PRKCZ: variants seen among roughly 807,000 people sequenced by gnomAD.
PRKCZ encodes protein kinase C zeta type.
A neutral mutation model predicts 79.5 loss-of-function variants in PRKCZ; 33 were observed. The observed-to-expected ratio is 0.41, with a 90% CI of 0.31 to 0.55. PRKCZ has a LOEUF of 0.55. Ranked by LOEUF, PRKCZ falls within the 20% of genes least tolerant of loss-of-function variation. PRKCZ has a pLI of 0.19. For missense variants in PRKCZ, 578 were observed against 813.5 expected (o/e 0.71, Z 3.52); for synonymous variants, 342 against 320.9 (o/e 1.07, Z -0.70).
rs917209965 is a variant in PRKCZ, at chr1:2,174,703, G to A, written c.1406-51G>A. ...CAGAGTCAGAGTCTGGGCGGCACTG[G>A]GCAAATGGCACACAACACAGGCAAG... is the stretch of plus-strand genomic sequence containing the variant. On this transcript the variant is annotated intron_variant, in intron 14 of 17. Transcript: ENST00000378567. This position sits in a 1 kb window ranked among gnomAD's most constrained non-coding sequence, Gnocchi z 6.2. The A allele has an allele frequency of 7.0e-6, 11 of 1,582,446 alleles. No homozygotes were observed. In the African/African-American group the frequency reaches 1.3e-4, roughly 19 times the overall value.
intron 10 of PRKCZ, 74 bp downstream of exon 10, chr1:2,156,166 G>C: frequency 1.4e-6 from 2 of 1,403,362 alleles, no homozygotes; most frequent in South Asian, 1.2e-5. Flanking sequence ...AGTCTGGTGT[G>C]ATGTGTCAAC....
At chr1:2,070,955 A>C (rs2102301422) in intron 4 of PRKCZ, among the ~76,000 whole-genome samples, 1 of 152,046 alleles carries the variant, frequency 6.6e-6, no homozygotes, top group South Asian at 2.1e-4. Context: ...AGCCTAGGGC[A>C]GAGAGGGGTC....
intron 10 of PRKCZ, among the ~76,000 whole-genome samples, chr1:2,160,263 G>T (rs1045883790): frequency 6.6e-6 from 1 of 152,022 alleles, no homozygotes; most frequent in Admixed American, 6.5e-5. Flanking sequence ...GTGTGTGTGT[G>T]TGTGTGTGTC....
intron 4 of PRKCZ, among the ~76,000 whole-genome samples, chr1:2,065,134 C>T (rs1401420697): frequency 6.6e-6 from 1 of 152,046 alleles, no homozygotes; most frequent in African/African-American, 2.4e-5. Flanking sequence ...CCTTGATTTC[C>T]CTTTTGCGTT....
chr1:2,102,274 C>T (rs1415517629), intron 4 of PRKCZ, among the ~76,000 whole-genome samples: 1 of 150,712 alleles, frequency 6.6e-6, no homozygotes, highest in Non-Finnish European at 1.5e-5. Context: ...TCCAGGGTCT[C>T]GTGTGGGCTT....
chr1:2,062,482 C>CTTT lies in PRKCZ; in HGVS notation c.334+2907_334+2909dup, dbSNP rs61178553. ...ATAACATCTATTTTTGCCATCTTAACTTTTTTTTTTTTTTTTTTGGCAGAG... is the reference window on the plus strand; with the variant it reads ...ATAACATCTATTTTTGCCATCTTAACTTTTTTTTTTTTTTTTTTTTTGGCAGAG... On this transcript the variant is annotated intron_variant, in intron 4 of 17. Transcript: ENST00000378567. 6.0e-5 allele frequency among the ~76,000 whole-genome samples: 8 copies of CTTT among 133,956 alleles called. No individual in the cohort carries two copies. In the South Asian group the frequency reaches 9.8e-4, roughly 16 times the overall value. The allele number at this position is 133,956 out of a possible 152,430, so 87.9% of individuals were successfully genotyped here. A position where few individuals can be genotyped will look rare whatever the true frequency, so the allele number is the denominator to read the frequency against.
At chr1:2,055,033 C>T (rs1002682422) in intron 1 of PRKCZ, among the ~76,000 whole-genome samples, 2 of 151,976 alleles carry the variant, frequency 1.3e-5, no homozygotes, top group South Asian at 2.1e-4. Context: ...AGCTCCGCCT[C>T]CCGGGTTCAC....
Position 2,065,551 on chromosome 1 carries a change from C to T in PRKCZ, c.334+5960C>T, listed in dbSNP as rs78698540. On this transcript the variant is annotated intron_variant, in intron 4 of 17. Transcript: ENST00000378567. ...AAAATTATCCGGGCGTGGTTGCAGG[C>T]GCCTGTAGTCCCAGCTACTCGGGAG... Among the ~76,000 whole-genome samples, 1,656 of 152,164 alleles carry T rather than the reference C, an allele frequency of 0.011. 141 individuals are homozygous for T. The East Asian group carries it at 0.21, about 19-fold the overall frequency.
intron 9 of PRKCZ, among the ~76,000 whole-genome samples, chr1:2,154,906 G>A (rs1680624136): frequency 6.6e-6 from 1 of 152,188 alleles, no homozygotes; most frequent in Admixed American, 6.5e-5. Flanking sequence ...GATGGGTGTG[G>A]GCTTATCACT....
chr1:2,067,709 G>A (rs369755588), intron 4 of PRKCZ, among the ~76,000 whole-genome samples: 19 of 152,214 alleles, frequency 1.2e-4, no homozygotes, highest in East Asian at 7.7e-4. Flanking sequence ...TTCACTGTCC[G>A]TTCACTGCAG....
intron 4 of PRKCZ, among the ~76,000 whole-genome samples, chr1:2,133,243 C>G (rs1675354534): frequency 6.6e-6 from 1 of 152,054 alleles, no homozygotes; most frequent in African/African-American, 2.4e-5. Flanking sequence ...GCTCCGCCCC[C>G]CAGCTGCGCG....
chr1:2,051,668 G>A (rs1659671759), intron 1 of PRKCZ, among the ~76,000 whole-genome samples: 1 of 152,204 alleles, frequency 6.6e-6, no homozygotes, highest in Non-Finnish European at 1.5e-5. Flanking sequence ...AGGGACGGCC[G>A]GCAGGGTTAG....
intron 4 of PRKCZ, among the ~76,000 whole-genome samples, chr1:2,130,413 ACT>A (rs1674732543): frequency 1.3e-5 from 2 of 151,768 alleles, no homozygotes; most frequent in South Asian, 4.1e-4. Flanking sequence ...TTCCCGTGGG[ACT>A]CCGCATGGGG....
intron 4 of PRKCZ, among the ~76,000 whole-genome samples, chr1:2,060,935 ACGGACCCTGGAGCACGCACCCTGGGAGG>A (rs1314710019): frequency 6.6e-6 from 1 of 152,186 alleles, no homozygotes; most frequent in Non-Finnish European, 1.5e-5. Context: ...CCCACGCCTC[ACGGACCCTGGAGCACGCACCCTGGGAGG>A]GCACGGTTCA....
rs940777086 is a variant in PRKCZ, at chr1:2,082,068, C to T, written c.334+22477C>T. Among the ~76,000 whole-genome samples, 5 of 152,238 alleles carry T rather than the reference C, an allele frequency of 3.3e-5. No homozygotes were observed. The highest frequency in any genetic ancestry group is 6.5e-5 in the Admixed American group (1 of 15,288). On this transcript the variant is annotated intron_variant, in intron 4 of 17. Coordinates refer to ENST00000378567, the MANE Select transcript of PRKCZ (RefSeq NM_002744.6). This position sits in a 1 kb window ranked among gnomAD's most constrained non-coding sequence, Gnocchi z 4.4. ...GGGCTGCCGTGGTTCCGATCGACTC[C>T]GAATAGGACACCACACAGTCGTGCC...
chr1:2,060,324 C>T (rs1363917961), intron 4 of PRKCZ, among the ~76,000 whole-genome samples: 1 of 152,238 alleles, frequency 6.6e-6, no homozygotes, highest in Admixed American at 6.5e-5. Flanking sequence ...AGGGCACACA[C>T]CTCGCTGGCC....
chr1:2,131,654 C>T (rs1305210759), intron 4 of PRKCZ, among the ~76,000 whole-genome samples: 4 of 152,178 alleles, frequency 2.6e-5, no homozygotes, highest in Admixed American at 6.5e-5. Context: ...ACACTGCCCC[C>T]GGCAGCCAGC....
Position 2,172,397 on chromosome 1 carries a change from C to CGCT in PRKCZ, c.1285+12_1285+14dup. 3 of 1,609,808 alleles carry CGCT rather than the reference C, an allele frequency of 1.9e-6. No individual in the cohort carries two copies. Among genetic ancestry groups the CGCT allele is most frequent in the Non-Finnish European group, 2.5e-6 (3 of 1,178,140 alleles). ...GCGGGGAGAGGAGTACGGTGAGTGCCGCTGCCCTGGCCCCTCTCGGAGCAC... is the reference window on the plus strand; with the variant it reads ...GCGGGGAGAGGAGTACGGTGAGTGCCGCTGCTGCCCTGGCCCCTCTCGGAGCAC... On this transcript the variant is annotated intron_variant, in intron 13 of 17. Coordinates refer to ENST00000378567, the MANE Select transcript of PRKCZ (RefSeq NM_002744.6). This position sits in a 1 kb window ranked among gnomAD's most constrained non-coding sequence, Gnocchi z 7.8.
chr1:2,126,360 C>T (rs1048792831), intron 4 of PRKCZ, among the ~76,000 whole-genome samples: 10 of 152,290 alleles, frequency 6.6e-5, no homozygotes, highest in African/African-American at 1.2e-4. Context: ...GGGCAGGTGC[C>T]GCCCACAGGT....
Sources: allele counts gnomAD v4.1 joint callset (sites outside exome capture counted in the v4.1 genomes callset), GRCh38; gene constraint gnomAD v4.1.1; non-coding constraint Gnocchi (gnomAD v3.1); transcripts MANE v1.5; gene names NCBI Gene and HGNC (gene_info 2026-07-23, HGNC 2026-07-21).